FRMD5: variants seen among roughly 807,000 people sequenced by gnomAD.
The protein encoded by FRMD5 is FERM domain-containing protein 5.
FRMD5 carries 20 observed loss-of-function variants against 69.0 expected under a neutral mutation model. The ratio of observed to expected loss-of-function variants is 0.29; its 90% CI spans 0.20 to 0.42. FRMD5 has a LOEUF of 0.42. FRMD5 is among the 10% of genes least tolerant of loss of function. The pLI, the probability that FRMD5 is intolerant of heterozygous loss-of-function variation, is 1.00. For missense variants in FRMD5, 595 were observed against 708.6 expected, an observed-to-expected ratio of 0.84 and a Z score of 1.82; for synonymous variants, 271 against 260.1, an observed-to-expected ratio of 1.04 and a Z score of -0.40.
intron 1 of FRMD5, among the ~76,000 whole-genome samples, chr15:44,094,748 A>T (rs968879388): frequency 2.0e-5 from 3 of 152,132 alleles, no homozygotes; most frequent in African/African-American, 7.2e-5. Context: ...TGATATATGA[A>T]TATCAATATT....
chr15:44,063,819 T>C (rs1893196599), intron 1 of FRMD5: 2 of 295,958 alleles, frequency 6.8e-6, no homozygotes, highest in Non-Finnish European at 1.3e-5. Flanking sequence ...GTGTCTTCAC[T>C]ACCATGAAGA....
intron 1 of FRMD5, among the ~76,000 whole-genome samples, chr15:44,092,897 T>C (rs758503043): frequency 4.0e-5 from 6 of 151,842 alleles, no homozygotes; most frequent in African/African-American, 1.2e-4. Context: ...CTTTGCATTA[T>C]AGTAATTGTA....
chr15:44,179,661 AAAC>A (rs564298995), intron 1 of FRMD5, among the ~76,000 whole-genome samples: 9 of 152,216 alleles, frequency 5.9e-5, no homozygotes, highest in Non-Finnish European at 5.9e-5. Flanking sequence ...CACATTAAAC[AAAC>A]AACTTATAGA....
chr15:43,916,452 G>C (rs1037457629), intron 4 of FRMD5, among the ~76,000 whole-genome samples: 7 of 152,196 alleles, frequency 4.6e-5, no homozygotes, highest in African/African-American at 1.7e-4. Flanking sequence ...TGGGGCCTAC[G>C]GACTGTGTAA....
At chr15:44,169,279 G>C (rs1162738393) in intron 1 of FRMD5, among the ~76,000 whole-genome samples, 2 of 151,650 alleles carry the variant, frequency 1.3e-5, no homozygotes, top group Non-Finnish European at 2.9e-5. Context: ...TCTTCCACAA[G>C]GAAAATGTAA....
chr15:44,012,540 C>G (rs1890764483), intron 1 of FRMD5, among the ~76,000 whole-genome samples: 1 of 152,070 alleles, frequency 6.6e-6, no homozygotes. Flanking sequence ...TTTGGTATGC[C>G]TCTTTCAAAA....
intron 1 of FRMD5, among the ~76,000 whole-genome samples, chr15:44,155,921 C>T (rs771726415): frequency 4.0e-5 from 6 of 151,742 alleles, no homozygotes; most frequent in Non-Finnish European, 5.9e-5. Flanking sequence ...TTTTGAGTGA[C>T]CACTGACTAG....
chr15:44,102,999 A>C (rs1199488489), intron 1 of FRMD5, among the ~76,000 whole-genome samples: 1 of 152,238 alleles, frequency 6.6e-6, no homozygotes, highest in African/African-American at 2.4e-5. Context: ...CTTGGGTACT[A>C]GGAGAGGGAA....
At chr15:43,919,579 C>G (rs780017477) in intron 3 of FRMD5, 42 bp from the exon 4 acceptor site, 2 of 1,589,820 alleles carry the variant, frequency 1.3e-6, no homozygotes, top group Non-Finnish European at 1.7e-6. Flanking sequence ...GACTCTCACC[C>G]AGAAGAGGAC....
chr15:43,993,648 T>C (rs1344965279), intron 1 of FRMD5, among the ~76,000 whole-genome samples: 2 of 152,242 alleles, frequency 1.3e-5, no homozygotes, highest in Non-Finnish European at 2.9e-5. Flanking sequence ...TTTTTTTGTC[T>C]GGATGAAATG....
intron 1 of FRMD5, among the ~76,000 whole-genome samples, chr15:44,104,327 T>G (rs1273951137): frequency 6.6e-6 from 1 of 152,222 alleles, no homozygotes; most frequent in Non-Finnish European, 1.5e-5. Flanking sequence ...GTTCATGAAG[T>G]TACAGTAAGC....
chr15:43,973,599 C>A (rs1402834277), intron 1 of FRMD5, among the ~76,000 whole-genome samples: 1 of 151,376 alleles, frequency 6.6e-6, no homozygotes. Flanking sequence ...AACTCCTGAC[C>A]CCAGATGATC....
chr15:43,955,546 G>A (rs148805255), intron 1 of FRMD5, among the ~76,000 whole-genome samples: 1 of 152,296 alleles, frequency 6.6e-6, no homozygotes, highest in African/African-American at 2.4e-5. Context: ...ATGCATGTAT[G>A]GCATTATGGA....
intron 1 of FRMD5, among the ~76,000 whole-genome samples, chr15:43,937,126 AG>A (rs1273348930): frequency 6.6e-6 from 1 of 152,188 alleles, no homozygotes; most frequent in African/African-American, 2.4e-5. Context: ...TCTATAGGAA[AG>A]TGTTACATTT....
intron 1 of FRMD5, among the ~76,000 whole-genome samples, chr15:44,021,391 C>T (rs1891202674): frequency 6.6e-6 from 1 of 152,110 alleles, no homozygotes; most frequent in South Asian, 2.1e-4. Context: ...GAAATATTTG[C>T]AATGCATATA....
chr15:43,988,976 A>C, intron 1 of FRMD5: 1 of 669,744 alleles, frequency 1.5e-6, no homozygotes. Context: ...AATAAAAAAA[A>C]CAAAGTCATG....
chr15:44,159,494 G>T (rs1040991828), intron 1 of FRMD5, among the ~76,000 whole-genome samples: 6 of 152,278 alleles, frequency 3.9e-5, no homozygotes, highest in Admixed American at 3.9e-4. Context: ...TGAGACAAAA[G>T]GAATGAATTG....
intron 1 of FRMD5, among the ~76,000 whole-genome samples, chr15:44,189,327 C>T (rs1015069786): frequency 6.6e-5 from 10 of 152,084 alleles, no homozygotes; most frequent in African/African-American, 2.4e-4. Context: ...ATGAAGATCA[C>T]ATGTTGACCT....
chr15:44,118,386 C>A (rs1270514403), intron 1 of FRMD5, among the ~76,000 whole-genome samples: 1 of 152,136 alleles, frequency 6.6e-6, no homozygotes, highest in Non-Finnish European at 1.5e-5. Flanking sequence ...CTTTCTGGGG[C>A]TCTAAAAATC....
Sources: gnomAD v4.1 joint callset for allele counts (sites outside exome capture counted in the v4.1 genomes callset) on GRCh38, gnomAD v4.1.1 for gene constraint, MANE v1.5 for transcripts, NCBI Gene and HGNC (gene_info 2026-07-23, HGNC 2026-07-21) for gene names.